The following GRAMD4 variants were observed in gnomAD, a reference collection of about 807,000 sequenced individuals.
GRAMD4 encodes the protein GRAM domain-containing protein 4.
In GRAMD4, 25 loss-of-function variants were observed where a neutral mutation model predicts 83.9. That is an observed-to-expected ratio of 0.30 (90% CI 0.22 to 0.42). The LOEUF (loss-of-function observed/expected upper bound fraction) is 0.42. Ranked by LOEUF, GRAMD4 falls within the 10% of genes least tolerant of loss-of-function variation. GRAMD4 has a pLI of 1.00. For missense variants in GRAMD4, 593 were observed against 788.7 expected, an observed-to-expected ratio of 0.75 and a Z score of 2.97; for synonymous variants, 336 against 320.9, an observed-to-expected ratio of 1.05 and a Z score of -0.50.
intron 1 of GRAMD4, among the ~76,000 whole-genome samples, chr22:46,614,626 C>A (rs2081451306): frequency 6.6e-6 from 1 of 152,222 alleles, no homozygotes; most frequent in South Asian, 2.1e-4. Flanking sequence ...AGGATTTGAG[C>A]ACAAATTCAT....
At chr22:46,634,034 G>A (rs561823810) in intron 2 of GRAMD4, among the ~76,000 whole-genome samples, 2 of 152,334 alleles carry the variant, frequency 1.3e-5, no homozygotes, top group East Asian at 1.9e-4. Context: ...AGACAGTTGG[G>A]GGTGAACAGG....
rs1416347726 is a variant in GRAMD4, at chr22:46,672,224, C to T, written c.1085-619C>T. Among the ~76,000 whole-genome samples, 3 of 152,174 alleles carry T rather than the reference C, an allele frequency of 2.0e-5. No homozygotes were observed. The highest frequency in any genetic ancestry group is 3.9e-4 in the East Asian group (2 of 5,188). On this transcript the variant is annotated intron_variant, in intron 13 of 18. Coordinates refer to ENST00000406902, the MANE Select transcript of GRAMD4 (RefSeq NM_015124.5). This position sits in a 1 kb window ranked among gnomAD's most constrained non-coding sequence, Gnocchi z 4.7. Reference sequence around the variant, plus strand: ...CAGTCAGGCCTGGCTCTTCTGAGGTCGTGTTTAGTAGGGGGACTGACCATG... The same window carrying T: ...CAGTCAGGCCTGGCTCTTCTGAGGTTGTGTTTAGTAGGGGGACTGACCATG...
Position 46,659,170 on chromosome 22 carries a change from C to T in GRAMD4, c.404+863C>T, listed in dbSNP as rs1008719018. Among the ~76,000 whole-genome samples the T allele has an allele frequency of 1.3e-5, 2 of 152,088 alleles. No individual in the cohort carries two copies. Among genetic ancestry groups the T allele is most frequent in the African/African-American group, 4.8e-5 (2 of 41,402 alleles). ...CAGCCTCCACTCCAGCAACCTCCTGCTTCGGCCTCCCTCTCAGCCTCCACT... is the reference window on the plus strand; with the variant it reads ...CAGCCTCCACTCCAGCAACCTCCTGTTTCGGCCTCCCTCTCAGCCTCCACT... On this transcript the variant is annotated intron_variant, in intron 4 of 18. Transcript: ENST00000406902. The surrounding 1 kb of genome is among the most constrained non-coding windows in gnomAD (Gnocchi z 4.1).
intron 1 of GRAMD4, among the ~76,000 whole-genome samples, chr22:46,625,377 A>C (rs1437513447): frequency 6.6e-6 from 1 of 152,196 alleles, no homozygotes; most frequent in African/African-American, 2.4e-5. Flanking sequence ...CGGGGCAGGC[A>C]TGTAGGAGCT....
At chr22:46,607,836 C>T (rs137946741) in intron 1 of GRAMD4, among the ~76,000 whole-genome samples, 12 of 152,330 alleles carry the variant, frequency 7.9e-5, no homozygotes, top group South Asian at 2.1e-4. Context: ...GCTGCTCCCT[C>T]GTCCCGGAGT....
rs1253086212 is a variant in GRAMD4 at position 46,672,291 on chromosome 22, G to A, written c.1085-552G>A. On this transcript the variant is annotated intron_variant, in intron 13 of 18. Transcript: ENST00000406902. This position sits in a 1 kb window ranked among gnomAD's most constrained non-coding sequence, Gnocchi z 4.7. ...GTATCGGGGAGAAAACGGAGCTGGT[G>A]GAGGGGAACTTGCGAGGGCGTGGCT... 6.6e-6 allele frequency among the ~76,000 whole-genome samples: 1 copy of A among 152,138 alleles called. No individual in the cohort carries two copies. Among genetic ancestry groups the A allele is most frequent in the Non-Finnish European group, 1.5e-5 (1 of 68,026 alleles).
At chr22:46,650,081 C>T (rs1025530050) in intron 3 of GRAMD4, among the ~76,000 whole-genome samples, 3 of 152,192 alleles carry the variant, frequency 2.0e-5, no homozygotes, top group Admixed American at 1.3e-4. Flanking sequence ...TGCGGGACTC[C>T]GCCAGGCCAG....
At chr22:46,625,300 C>G (rs1334205847) in intron 1 of GRAMD4, among the ~76,000 whole-genome samples, 2 of 152,204 alleles carry the variant, frequency 1.3e-5, no homozygotes, top group Non-Finnish European at 2.9e-5. Context: ...TGTCTTCGGT[C>G]CTCACTGTTA....
At chr22:46,646,365 G>A (rs759885815) in intron 3 of GRAMD4, among the ~76,000 whole-genome samples, 2 of 152,192 alleles carry the variant, frequency 1.3e-5, no homozygotes, top group African/African-American at 4.8e-5. Context: ...TGGCCCTTAC[G>A]CCATGGGAGA....
At chr22:46,594,205 C>T (rs776258887) in intron 1 of GRAMD4, among the ~76,000 whole-genome samples, 41 of 151,974 alleles carry the variant, frequency 2.7e-4, no homozygotes, top group South Asian at 8.3e-4. Flanking sequence ...TCTGTGTGTC[C>T]TGTGCTCTCC....
intron 1 of GRAMD4, among the ~76,000 whole-genome samples, chr22:46,587,768 G>C (rs887157127): frequency 6.6e-6 from 1 of 152,128 alleles, no homozygotes; most frequent in Admixed American, 6.5e-5. Context: ...GAACTGACTG[G>C]TGGTCGTTGC....
chr22:46,576,075 C>T (rs527860321), upstream of GRAMD4: 1 of 152,680 alleles, frequency 6.5e-6, no homozygotes, highest in African/African-American at 2.4e-5. Flanking sequence ...GTGGGACTCC[C>T]AAGGTCAGTG....
chr22:46,633,858 G>C (rs1213974436), intron 2 of GRAMD4, among the ~76,000 whole-genome samples: 1 of 152,190 alleles, frequency 6.6e-6, no homozygotes, highest in Non-Finnish European at 1.5e-5. Context: ...TCAGTGTGGG[G>C]CTGGGACTTG....
upstream of GRAMD4, among the ~76,000 whole-genome samples, chr22:46,615,797 C>T (rs1264491604): frequency 6.3e-5 from 2 of 31,670 alleles, no homozygotes; most frequent in African/African-American, 1.5e-4. Flanking sequence ...TAGGTTCCCC[C>T]GTGTGTAGGT....
intron 1 of GRAMD4, among the ~76,000 whole-genome samples, chr22:46,604,491 C>T (rs1174415309): frequency 1.3e-5 from 2 of 152,188 alleles, no homozygotes; most frequent in Non-Finnish European, 2.9e-5. Flanking sequence ...CACTACCATT[C>T]ATCCCCAGAA....
intron 2 of GRAMD4, among the ~76,000 whole-genome samples, chr22:46,628,698 C>G (rs544941447): frequency 6.6e-6 from 1 of 151,742 alleles, no homozygotes; most frequent in African/African-American, 2.4e-5. Context: ...AGGTATTGGT[C>G]TGGTTGGAGC....
At position 46,673,756 on chromosome 22, in the gene GRAMD4, C is replaced by G. The variant is rs2082550834; in HGVS notation, c.1326C>G (p.Thr442=). ...AGGACGCCGGTCGCTTCCACAGCAC[C>G]AAGAAGGGCAATTTCCACGAGATCT... ...KEEDAGRFHS[T]KKGNFHEIFN... is the part of the protein sequence containing the mutation. Residue 442 remains threonine (T), a synonymous_variant, in exon 15 of 19, where the codon ACC becomes ACG. Coordinates refer to ENST00000406902, the MANE Select transcript of GRAMD4 (RefSeq NM_015124.5). 6.2e-7 allele frequency: 1 copy of G among 1,613,066 alleles called. No individual in the cohort carries two copies. Among genetic ancestry groups the G allele is most frequent in the Non-Finnish European group, 8.5e-7 (1 of 1,179,946 alleles).
At chr22:46,623,431 A>G (rs1360900481) in intron 1 of GRAMD4, among the ~76,000 whole-genome samples, 1 of 152,034 alleles carries the variant, frequency 6.6e-6, no homozygotes, top group Non-Finnish European at 1.5e-5. Context: ...GCTGCCCCCC[A>G]GGCTGCAGTG....
intron 18 of GRAMD4, 52 bp from the exon 19 acceptor site, chr22:46,677,095 T>C (rs2082610724): frequency 8.1e-6 from 13 of 1,606,030 alleles, no homozygotes; most frequent in Non-Finnish European, 1.1e-5. Flanking sequence ...GTCCTGGTCC[T>C]GGCGCCAGCC....
Sources: allele counts gnomAD v4.1 joint callset (sites outside exome capture counted in the v4.1 genomes callset), GRCh38; gene constraint gnomAD v4.1.1; non-coding constraint Gnocchi (gnomAD v3.1); transcripts MANE v1.5; gene names NCBI Gene and HGNC (gene_info 2026-07-23, HGNC 2026-07-21).